The following RBFOX1 variants were observed in gnomAD, a reference collection of about 807,000 sequenced individuals.
RBFOX1 encodes RNA binding protein fox-1 homolog 1.
In RBFOX1, 8 loss-of-function variants were observed where a neutral mutation model predicts 57.7. That is an observed-to-expected ratio of 0.14 (90% confidence interval 0.08 to 0.25). RBFOX1 has a LOEUF of 0.25. RBFOX1 is among the 10% of genes least tolerant of loss of function. The pLI, the probability that RBFOX1 is intolerant of heterozygous loss-of-function variation, is 1.00. For missense variants in RBFOX1, 611 were observed against 548.5 expected (o/e 1.11, Z -1.14); for synonymous variants, 326 against 222.4 (o/e 1.47, Z -4.15).
chr16:6,216,245 A>G lies in RBFOX1; in HGVS notation c.-126-100750A>G, dbSNP rs149089824. On this transcript the variant is annotated intron_variant, in intron 1 of 15. Transcript: ENST00000550418. ...AACCCCCCATGACACAAGTTTACCT[A>G]TGGAACAAACCTGCACATATACCCC... Among the ~76,000 whole-genome samples, 65 of 152,254 alleles carry G rather than the reference A, an allele frequency of 4.3e-4. No homozygotes were observed. In the East Asian group the frequency reaches 0.012, roughly 28 times the overall value.
chr16:7,501,678 C>T (rs141815659), intron 4 of RBFOX1, among the ~76,000 whole-genome samples: 124 of 152,322 alleles, frequency 8.1e-4, no homozygotes, highest in South Asian at 1.9e-3. Context: ...TACAATTGGC[C>T]TTTCTACATA....
chr16:6,832,241 A>G (rs766576332), intron 3 of RBFOX1, among the ~76,000 whole-genome samples: 3 of 152,308 alleles, frequency 2.0e-5, no homozygotes, highest in East Asian at 1.9e-4. Context: ...TCTGAAGGGA[A>G]CAACACAGTG....
chr16:6,584,626 C>T (rs950344158), intron 2 of RBFOX1, among the ~76,000 whole-genome samples: 2 of 151,978 alleles, frequency 1.3e-5, no homozygotes, highest in Admixed American at 6.6e-5. Context: ...GCCTTGGCCT[C>T]CCAAAGTGCT....
chr16:6,619,687 C>CTTTTTTTTTTTTTTTTTTTTTTTTTTTT (rs34849467), intron 2 of RBFOX1, among the ~76,000 whole-genome samples: 1 of 117,948 alleles, frequency 8.5e-6, no homozygotes, highest in Non-Finnish European at 1.7e-5. Context: ...TGTTGGTTTC[C>CTTTTTTTTTTTTTTTTTTTTTTTTTTTT]TTTTTTTTTT....
At chr16:7,294,652 T>A (rs143033308) in intron 4 of RBFOX1, among the ~76,000 whole-genome samples, 1 of 151,972 alleles carries the variant, frequency 6.6e-6, no homozygotes, top group East Asian at 1.9e-4. Flanking sequence ...TTTCATATGA[T>A]AAAATTAGGT....
At chr16:6,821,254 C>T (rs1190811987) in intron 3 of RBFOX1, among the ~76,000 whole-genome samples, 3 of 152,300 alleles carry the variant, frequency 2.0e-5, no homozygotes, top group South Asian at 2.1e-4. Flanking sequence ...TGTCTCTTTA[C>T]ATCTAACCAG....
intron 4 of RBFOX1, among the ~76,000 whole-genome samples, chr16:7,500,096 G>T (rs1532922): frequency 6.6e-6 from 1 of 152,016 alleles, no homozygotes; most frequent in African/African-American, 2.4e-5. Context: ...TCAGGCAGAC[G>T]TCCTTAAAAG....
At chr16:5,898,316 G>A (rs1410344153) in intron 4 of RBFOX1, among the ~76,000 whole-genome samples, 3 of 152,100 alleles carry the variant, frequency 2.0e-5, no homozygotes, top group African/African-American at 7.2e-5. Context: ...GTGGGGACAT[G>A]GCCAAACCAT....
chr16:5,816,578 C>A (rs1404513961), intron 3 of RBFOX1, among the ~76,000 whole-genome samples: 1 of 152,076 alleles, frequency 6.6e-6, no homozygotes, highest in African/African-American at 2.4e-5. Flanking sequence ...GAGCCCAGGA[C>A]TTTGAGACCA....
chr16:7,032,946 T>G (rs1465272613), intron 3 of RBFOX1, among the ~76,000 whole-genome samples: 1 of 152,126 alleles, frequency 6.6e-6, no homozygotes, highest in Non-Finnish European at 1.5e-5. Context: ...GAGAACAGCT[T>G]CAATTTGGGA....
rs372299527 is a variant in RBFOX1, at chr16:7,689,729, A to C, written c.995+12891A>C. 3.4e-4 allele frequency among the ~76,000 whole-genome samples: 52 copies of C among 152,032 alleles called. 1 individual carries two copies. The highest frequency in any genetic ancestry group is 1.1e-3 in the African/African-American group (44 of 41,484). ...GGCCAACTCAAAGAAAAATGGAAAA[A>C]CCCAAGCAAGGATGATCTTGAGTAA... On this transcript the variant is annotated intron_variant, in intron 14 of 15. Transcript: ENST00000550418.
At chr16:5,582,607 A>G (rs936118536) in intron 2 of RBFOX1, among the ~76,000 whole-genome samples, 17 of 140,126 alleles carry the variant, frequency 1.2e-4, no homozygotes, top group Middle Eastern at 4.4e-3. Flanking sequence ...TGGAATGCCA[A>G]TGACGTGATC....
intron 4 of RBFOX1, among the ~76,000 whole-genome samples, chr16:5,900,851 C>A (rs1453424685): frequency 2.0e-5 from 3 of 152,162 alleles, no homozygotes; most frequent in Non-Finnish European, 4.4e-5. Flanking sequence ...CCCTCCCGGC[C>A]CCAGAGCCCC....
At chr16:7,333,417 C>A (rs149004902) in intron 4 of RBFOX1, among the ~76,000 whole-genome samples, 29 of 152,280 alleles carry the variant, frequency 1.9e-4, no homozygotes, top group South Asian at 6.2e-4. Context: ...TCTCCCAGAG[C>A]AGATCATGAG....
At chr16:5,817,214 A>C (rs538054878) in intron 3 of RBFOX1, among the ~76,000 whole-genome samples, 51 of 152,202 alleles carry the variant, frequency 3.4e-4, no homozygotes, top group African/African-American at 1.1e-3. Flanking sequence ...TGGGGTGTGC[A>C]CTTCTAGGAG....
In RBFOX1 at chr16:6,618,933, G is replaced by A. The variant is rs1178489295; in HGVS notation, c.-63-35670G>A. On this transcript the variant is annotated intron_variant, in intron 2 of 15. Coordinates refer to ENST00000550418, the MANE Select transcript of RBFOX1 (RefSeq NM_018723.4). The stretch of plus-strand genomic sequence containing the variant: ...GGCCATCCGTAAAAACAGAGTCATA[G>A]GGTGAAAACACATCACAGAGAATGC... 2.0e-5 allele frequency among the ~76,000 whole-genome samples: 3 copies of A among 152,122 alleles called. No individual in the cohort carries two copies. In the East Asian group the frequency reaches 5.8e-4, roughly 29 times the overall value.
chr16:7,271,926 G>C (rs571392119), intron 4 of RBFOX1, among the ~76,000 whole-genome samples: 2 of 152,226 alleles, frequency 1.3e-5, no homozygotes, highest in African/African-American at 2.4e-5. Flanking sequence ...AGTCCTGCTG[G>C]AAATATCCCC....
At chr16:5,636,237 A>T (rs1020154182) in intron 3 of RBFOX1, among the ~76,000 whole-genome samples, 1 of 152,036 alleles carries the variant, frequency 6.6e-6, no homozygotes, top group African/African-American at 2.4e-5. Flanking sequence ...AGTCCCAGCT[A>T]CTCTGGAGGC....
chr16:5,507,338 C>T (rs987549883), intron 2 of RBFOX1, among the ~76,000 whole-genome samples: 1 of 152,102 alleles, frequency 6.6e-6, no homozygotes, highest in African/African-American at 2.4e-5. Context: ...AAGCAGAATG[C>T]AAGCTCCATG....
Sources: gnomAD v4.1 joint callset for allele counts (sites outside exome capture counted in the v4.1 genomes callset) on GRCh38, gnomAD v4.1.1 for gene constraint, MANE v1.5 for transcripts, NCBI Gene and HGNC (gene_info 2026-07-23, HGNC 2026-07-21) for gene names.